SZT2: variants seen among roughly 807,000 people sequenced by gnomAD.
SZT2 encodes KICSTOR complex protein SZT2.
In SZT2, 216 loss-of-function variants were observed where a neutral mutation model predicts 404.2. The observed-to-expected ratio is 0.53, with a 90% CI of 0.48 to 0.60. SZT2 has a LOEUF of 0.60. SZT2 is among the 20% of genes least tolerant of loss of function. SZT2 has a pLI of 0.00. For synonymous variants in SZT2, 1,693 were observed against 1,749.9 expected, an observed-to-expected ratio of 0.97 and a Z score of 0.81; for missense variants, 3,857 against 4,459.2, an observed-to-expected ratio of 0.86 and a Z score of 3.85.
Position 43,439,803 on chromosome 1 carries a change from G to T in SZT2, c.7042+34G>T, listed in dbSNP as rs752024604. 3 of 1,565,858 alleles carry T rather than the reference G, an allele frequency of 1.9e-6. No individual in the cohort carries two copies. The Admixed American group carries it at 5.4e-5, about 28-fold the overall frequency. ...GCTTGGTCAGAGGATGAGGTGTTCA[G>T]TTATTGCTGTGGGAGGTAAGGGTGG... is the stretch of plus-strand genomic sequence containing the variant. On this transcript the variant is annotated intron_variant, in intron 50 of 71. Coordinates refer to ENST00000634258, the MANE Select transcript of SZT2 (RefSeq NM_001365999.1). This position sits in a 1 kb window ranked among gnomAD's most constrained non-coding sequence, Gnocchi z 4.2.
rs759271847 is a variant in SZT2, at chr1:43,451,407, C to T, written c.*927C>T. ...AGCTCCCTTCCCCAGGGCCACGCCTCACCTCGAGGCTGATACTCACAGCCC... is the reference window on the plus strand; with the variant it reads ...AGCTCCCTTCCCCAGGGCCACGCCTTACCTCGAGGCTGATACTCACAGCCC... On this transcript the variant is annotated 3_prime_UTR_variant, in exon 72 of 72. Coordinates refer to ENST00000634258, the MANE Select transcript of SZT2 (RefSeq NM_001365999.1). 10 of 1,612,248 alleles carry T rather than the reference C, an allele frequency of 6.2e-6. No individual in the cohort carries two copies. The highest frequency in any genetic ancestry group is 5.5e-5 in the South Asian group (5 of 91,090).
Position 43,426,361 on chromosome 1 carries a change from C to T in SZT2, c.3044-7C>T, listed in dbSNP as rs575452503. On this transcript the variant is annotated splice_region_variant and splice_polypyrimidine_tract_variant and intron_variant, in intron 21 of 71. Transcript: ENST00000634258. The surrounding 1 kb of genome is among the most constrained non-coding windows in gnomAD (Gnocchi z 4.9). ...TCTTGGTGCTGAGCAGAGTGTGTGTCGGGCAGAGCCAGAGGGTGTCCCTTT... is the reference window on the plus strand; with the variant it reads ...TCTTGGTGCTGAGCAGAGTGTGTGTTGGGCAGAGCCAGAGGGTGTCCCTTT... 451 of 1,537,024 alleles carry T rather than the reference C, an allele frequency of 2.9e-4. 19 individuals are homozygous for T. The South Asian group carries it at 4.6e-3, about 16-fold the overall frequency.
In SZT2 at chr1:43,431,069, C is replaced by A; in HGVS notation, c.4895C>A (p.Ala1632Asp). ...CCCCTGGAAGTGGAGCTCCCCACGG[C>A]CTCGGACCCTCAGCACCACCGGTGT... ...TLPLEVELPTASDPQHHRSTS... is the reference protein window; with the variant it reads ...TLPLEVELPTDSDPQHHRSTS... The change falls in exon 33 of 72, where the codon GCC becomes GAC. Residue 1632 changes from alanine to aspartate, a missense_variant. By Grantham distance (126) the Ala-to-Asp change is moderately radical (BLOSUM62 -2). This residue lies in a region of SZT2 where 1,725 missense variants were observed against 1,881.0 expected (regional missense o/e 0.92). Transcript: ENST00000634258. 6.2e-7 allele frequency: 1 copy of A among 1,613,832 alleles called. No individual in the cohort carries two copies.
chr1:43,410,709 A>G (rs1019887149), intron 4 of SZT2: 5 of 152,244 alleles, frequency 3.3e-5, no homozygotes, highest in African/African-American at 1.2e-4. Context: ...ATCCTGCTCT[A>G]TTTAATACTG....
rs923505488 is a variant in SZT2 at position 43,443,601 on chromosome 1, G to T, written c.8630G>T (p.Arg2877Leu). ...CCTTGATCTTTACTCTCATAGCGGC[G>T]CCATCGCCCTGAGTCAGGGTCTGGG... ...ETSGPPDGQR[R>L]HRPESGSGSR... Residue 2877 changes from arginine (R) to leucine (L), a missense_variant, in exon 62 of 72, where the codon CGC becomes CTC. Arg to Leu is a moderately radical substitution (Grantham distance 102). This residue lies in a region of SZT2 where 717 missense variants were observed against 868.2 expected (regional missense o/e 0.83). Coordinates refer to ENST00000634258, the MANE Select transcript of SZT2 (RefSeq NM_001365999.1). 1 of 1,614,066 alleles carries T rather than the reference G, an allele frequency of 6.2e-7. No individual in the cohort carries two copies. The highest frequency in any genetic ancestry group is 8.5e-7 in the Non-Finnish European group (1 of 1,180,020).
intron 13 of SZT2, 64 bp downstream of exon 13, chr1:43,422,696 T>G: frequency 9.9e-7 from 1 of 1,006,000 alleles, no homozygotes; most frequent in Non-Finnish European, 1.2e-6. Context: ...ATCCCATGTC[T>G]CCCTCTAACC....
Position 43,424,415 on chromosome 1 carries a change from C to G in SZT2, c.2454C>G (p.Leu818=). 2 of 1,597,812 alleles carry G rather than the reference C, an allele frequency of 1.3e-6. No individual in the cohort carries two copies. The highest frequency in any genetic ancestry group is 1.7e-6 in the Non-Finnish European group (2 of 1,179,582). The part of the protein sequence containing the change: ...PALPLSAIAQ[L]LSILTEVRLS... ...TGCCTCTCAGTGCCATTGCCCAGCT[C>G]CTCTCCATCCTCACTGAGTATGTCA... The change falls in exon 16 of 72, where the codon CTC becomes CTG. Residue 818 remains leucine (L), a synonymous_variant. Coordinates refer to ENST00000634258, the MANE Select transcript of SZT2 (RefSeq NM_001365999.1). The surrounding 1 kb of genome is among the most constrained non-coding windows in gnomAD (Gnocchi z 4.1).
Position 43,427,605 on chromosome 1 carries a change from C to G in SZT2, c.3674C>G (p.Ser1225Cys), listed in dbSNP as rs754458921. The G allele has an allele frequency of 6.2e-7, 1 of 1,614,240 alleles. No homozygotes were observed. The highest frequency in any genetic ancestry group is 8.5e-7 in the Non-Finnish European group (1 of 1,180,034). The change falls in exon 26 of 72, where the codon TCC (serine) becomes TGC (cysteine). Residue 1225 changes from serine to cysteine, a missense_variant. Around this residue, in one of 7 missense-constraint regions of SZT2, gnomAD observed 1,725 missense variants for 1,881.0 expected, o/e 0.92. Coordinates refer to ENST00000634258, the MANE Select transcript of SZT2 (RefSeq NM_001365999.1). The part of the protein sequence containing the change: ...DLQAYAGRQA[S>C]QTESADGPRT... ...CAGGCTTACGCTGGGCGTCAGGCTT[C>G]CCAGACAGAGAGTGCGGATGGGCCC...
chr1:43,416,000 G>T lies in SZT2; in HGVS notation c.671G>T (p.Arg224Leu). 1 of 1,598,024 alleles carries T rather than the reference G, an allele frequency of 6.3e-7. No individual in the cohort carries two copies. The highest frequency in any genetic ancestry group is 1.1e-5 in the South Asian group (1 of 90,976). The change falls in exon 6 of 72, where the codon CGG (arginine) becomes CTG (leucine). Residue 224 changes from arginine to leucine, a missense_variant. Coordinates refer to ENST00000634258, the MANE Select transcript of SZT2 (RefSeq NM_001365999.1). Reference sequence around the variant, plus strand: ...CCAGACTCAGGGGACCTACTGGGCCGGAAGGTAGGCGTCTCCATGGTGACA... The same window carrying T: ...CCAGACTCAGGGGACCTACTGGGCCTGAAGGTAGGCGTCTCCATGGTGACA... ...QSPDSGDLLG[R>L]KVGVSMVTAD...
At chr1:43,403,476 A>G in intron 2 of SZT2, 125 bp from the exon 3 acceptor site, 2 of 1,390,578 alleles carry the variant, frequency 1.4e-6, no homozygotes, top group Non-Finnish European at 9.7e-7. Flanking sequence ...AGTGAGAGGA[A>G]GAGTATACGG....
chr1:43,430,538 A>G lies in SZT2; in HGVS notation c.4523A>G (p.Glu1508Gly), dbSNP rs1417231559. ...ACCVVTESDPELEVEYRESRE... is the reference protein window; with the variant it reads ...ACCVVTESDPGLEVEYRESRE... ...TGTGTGGTCACTGAGAGTGACCCAG[A>G]GCTAGAGGTAGAATACCGGGAGAGC... is the stretch of plus-strand genomic sequence containing the variant. Residue 1508 changes from glutamate to glycine, a missense_variant, in exon 32 of 72, where the codon GAG becomes GGG. By Grantham distance (98) the Glu-to-Gly change is moderately conservative (BLOSUM62 -2). Coordinates refer to ENST00000634258, the MANE Select transcript of SZT2 (RefSeq NM_001365999.1). 6.2e-7 allele frequency: 1 copy of G among 1,614,180 alleles called. No homozygotes were observed. The highest frequency in any genetic ancestry group is 2.2e-5 in the East Asian group (1 of 44,872).
rs751320351 is a variant in SZT2, at chr1:43,424,436, T to C, written c.2471+4T>C. The C allele has an allele frequency of 3.8e-6, 6 of 1,597,082 alleles. No individual in the cohort carries two copies. Among genetic ancestry groups the C allele is most frequent in the Non-Finnish European group, 5.1e-6 (6 of 1,179,300 alleles). On this transcript the variant is annotated splice_donor_region_variant and intron_variant, in intron 16 of 71. Transcript: ENST00000634258. The surrounding 1 kb of genome is among the most constrained non-coding windows in gnomAD (Gnocchi z 4.1). ...AGCTCCTCTCCATCCTCACTGAGTA[T>C]GTCATCCAAGCCTGCCAGGTCACTC...
intron 8 of SZT2, 46 bp downstream of exon 8, chr1:43,419,990 TG>T (rs745683018): frequency 6.3e-7 from 1 of 1,593,684 alleles, no homozygotes; most frequent in African/African-American, 1.3e-5. Flanking sequence ...GAATATAGAA[TG>T]GGCCCAGAGA....
At position 43,426,296 on chromosome 1, in the gene SZT2, C is replaced by G; in HGVS notation, c.3044-72C>G. 6.7e-7 allele frequency: 1 copy of G among 1,499,420 alleles called. No individual in the cohort carries two copies. Among genetic ancestry groups the G allele is most frequent in the Non-Finnish European group, 8.9e-7 (1 of 1,122,476 alleles). 92.9% of individuals were successfully genotyped at this position (1,499,420 alleles called of 1,614,324 possible). A position where few individuals can be genotyped will look rare whatever the true frequency, so the allele number is the denominator to read the frequency against. On this transcript the variant is annotated intron_variant, in intron 21 of 71. Coordinates refer to ENST00000634258, the MANE Select transcript of SZT2 (RefSeq NM_001365999.1). This position sits in a 1 kb window ranked among gnomAD's most constrained non-coding sequence, Gnocchi z 4.9. ...CCCATGAGGCTGAAGGAGGGGCCAG[C>G]TGGTCAGGGCTGAGCCGGGGGCACC...
chr1:43,400,621 C>T (rs944891426), intron 1 of SZT2, among the ~76,000 whole-genome samples: 1 of 152,220 alleles, frequency 6.6e-6, no homozygotes, highest in Non-Finnish European at 1.5e-5. Context: ...CCTGTAATCC[C>T]AGCACCTCGG....
Position 43,441,818 on chromosome 1 carries a change from TG to T in SZT2, c.7742+1del, listed in dbSNP as rs1358200278. ...AGTGTCCGCATCTTTGAGCAGCATTTGTGAGTGTAGATCCTATAGAATTGAA... is the reference window on the plus strand; with the variant it reads ...AGTGTCCGCATCTTTGAGCAGCATTTTGAGTGTAGATCCTATAGAATTGAA... On this transcript the variant is annotated splice_donor_variant, in intron 55 of 71. Coordinates refer to ENST00000634258, the MANE Select transcript of SZT2 (RefSeq NM_001365999.1). LOFTEE classifies it high-confidence loss of function. The surrounding 1 kb of genome is among the most constrained non-coding windows in gnomAD (Gnocchi z 4.8). 2 of 1,614,022 alleles carry T rather than the reference TG, an allele frequency of 1.2e-6. No homozygotes were observed. Among genetic ancestry groups the T allele is most frequent in the Non-Finnish European group, 1.7e-6 (2 of 1,180,026 alleles).
Position 43,454,079 on chromosome 1 carries a change from G to C in SZT2, c.*3599G>C. ...GTAGGGAGGCCGAGCTCCAGGGCCT[G>C]AGAGCCGGACGCGAAGCAAGAGAGA... On this transcript the variant is annotated 3_prime_UTR_variant, in exon 72 of 72. Transcript: ENST00000634258. The C allele has an allele frequency of 2.7e-6, 3 of 1,113,514 alleles. No individual in the cohort carries two copies. Among genetic ancestry groups the C allele is most frequent in the Non-Finnish European group, 3.3e-6 (3 of 912,848 alleles). The allele number at this position is 1,113,514 out of a possible 1,614,324, so 69.0% of individuals were successfully genotyped here.
intron 4 of SZT2, among the ~76,000 whole-genome samples, chr1:43,410,853 A>C: frequency 6.8e-6 from 1 of 147,468 alleles, no homozygotes; most frequent in South Asian, 2.3e-4. Context: ...ATGGCGAGGA[A>C]CGGGGGCTTG....
chr1:43,401,701 G>A (rs1346851488), intron 1 of SZT2, among the ~76,000 whole-genome samples: 1 of 152,116 alleles, frequency 6.6e-6, no homozygotes, highest in Non-Finnish European at 1.5e-5. Flanking sequence ...GGCCAGGCTG[G>A]TCTCGAACTC....
Sources: gnomAD v4.1 joint callset for allele counts (sites outside exome capture counted in the v4.1 genomes callset) on GRCh38, gnomAD v4.1.1 for gene constraint, gnomAD v4.1.1 regional missense constraint, Gnocchi (gnomAD v3.1) non-coding constraint, MANE v1.5 for transcripts, NCBI Gene and HGNC (gene_info 2026-07-23, HGNC 2026-07-21) for gene names.